The following KCNT2 variants were observed in gnomAD, a reference collection of about 807,000 sequenced individuals.
The protein encoded by KCNT2 is potassium sodium-activated channel subfamily T member 2, also known as potassium channel subfamily T member 2.
Under a neutral mutation model 153.8 loss-of-function variants are expected in KCNT2, and 67 were observed. The ratio of observed to expected loss-of-function variants is 0.44; its 90% CI spans 0.36 to 0.53. The LOEUF (loss-of-function observed/expected upper bound fraction) is 0.53, where lower values mean the gene tolerates loss of function less well. Among genes scored for constraint, KCNT2 ranks in the 20% least tolerant of loss-of-function variants. The probability of loss-of-function intolerance (pLI) is 0.00; values close to 1 mark genes in which losing one functional copy is unlikely to be tolerated. For synonymous variants in KCNT2, 500 were observed against 458.8 expected, an observed-to-expected ratio of 1.09 and a Z score of -1.15; for missense variants, 975 against 1,354.8, an observed-to-expected ratio of 0.72 and a Z score of 4.40.
At chr1:196,243,312 C>T (rs1655124595) in intron 26 of KCNT2, among the ~76,000 whole-genome samples, 2 of 152,104 alleles carry the variant, frequency 1.3e-5, no homozygotes, top group African/African-American at 2.4e-5. Flanking sequence ...ATGGAAGCTT[C>T]CATACTTTCT....
chr1:196,608,209 A>T lies in KCNT2; in HGVS notation c.95+6T>A. 1.9e-6 allele frequency: 3 copies of T among 1,612,060 alleles called. No homozygotes were observed. Among genetic ancestry groups the T allele is most frequent in the Non-Finnish European group, 2.5e-6 (3 of 1,178,894 alleles). ...TTACAGAACAATCCTCCACCACACC[A>T]CTCACCTGTCGTCGTTTTGCCATCC... is the stretch of plus-strand genomic sequence containing the variant. On this transcript the variant is annotated splice_donor_region_variant and intron_variant, in intron 1 of 27. Coordinates refer to ENST00000294725, the MANE Select transcript of KCNT2 (RefSeq NM_198503.5).
At chr1:196,363,553 A>T (rs1170463654) in intron 14 of KCNT2, among the ~76,000 whole-genome samples, 1 of 152,092 alleles carries the variant, frequency 6.6e-6, no homozygotes, top group Non-Finnish European at 1.5e-5. Flanking sequence ...ATAAGGCCTT[A>T]TTAGTTCATA....
intron 3 of KCNT2, among the ~76,000 whole-genome samples, chr1:196,486,636 T>C (rs779564330): frequency 1.4e-4 from 22 of 151,784 alleles, no homozygotes; most frequent in Non-Finnish European, 2.8e-4. Context: ...GTAATAGGGT[T>C]AACATGCAGG....
At chr1:196,542,854 T>C (rs1469408386) in intron 1 of KCNT2, among the ~76,000 whole-genome samples, 1 of 152,090 alleles carries the variant, frequency 6.6e-6, no homozygotes, top group Non-Finnish European at 1.5e-5. Context: ...TGTCAGTCTA[T>C]GTGTTATGAA....
At chr1:196,543,856 T>C (rs1656708427) in intron 1 of KCNT2, among the ~76,000 whole-genome samples, 1 of 152,134 alleles carries the variant, frequency 6.6e-6, no homozygotes, top group Non-Finnish European at 1.5e-5. Flanking sequence ...AATTAAAACA[T>C]GGAACTGCCA....
intron 1 of KCNT2, among the ~76,000 whole-genome samples, chr1:196,504,541 A>C (rs1171059564): frequency 1.3e-5 from 2 of 152,086 alleles, no homozygotes; most frequent in Non-Finnish European, 2.9e-5. Flanking sequence ...GCTGCAATAA[A>C]CATACATGTG....
chr1:196,583,287 G>T (rs1321188616), intron 1 of KCNT2, among the ~76,000 whole-genome samples: 1 of 152,076 alleles, frequency 6.6e-6, no homozygotes, highest in Non-Finnish European at 1.5e-5. Context: ...ATCCAGCCTT[G>T]GGTGGCTGGT....
chr1:196,532,960 T>G (rs1655136282), intron 1 of KCNT2, among the ~76,000 whole-genome samples: 1 of 152,058 alleles, frequency 6.6e-6, no homozygotes, highest in Non-Finnish European at 1.5e-5. Flanking sequence ...AATGTACCCC[T>G]TCTAAAGAAA....
chr1:196,290,557 T>A (rs949740510), intron 22 of KCNT2, among the ~76,000 whole-genome samples: 1 of 151,658 alleles, frequency 6.6e-6, no homozygotes, highest in Admixed American at 6.6e-5. Flanking sequence ...TGTGTGTATA[T>A]GTATAGGTGT....
intron 25 of KCNT2, among the ~76,000 whole-genome samples, chr1:196,274,638 C>A (rs1658384624): frequency 6.6e-6 from 1 of 151,706 alleles, no homozygotes; most frequent in Non-Finnish European, 1.5e-5. Context: ...GCACATGGGA[C>A]AATGTTTATT....
At chr1:196,501,307 A>G (rs1680677807) in intron 1 of KCNT2, among the ~76,000 whole-genome samples, 1 of 152,218 alleles carries the variant, frequency 6.6e-6, no homozygotes, top group Admixed American at 6.5e-5. Flanking sequence ...AATGAACTTA[A>G]GTGTATACTT....
chr1:196,308,297 T>C (rs1661832123), intron 21 of KCNT2, among the ~76,000 whole-genome samples: 1 of 151,946 alleles, frequency 6.6e-6, no homozygotes, highest in Non-Finnish European at 1.5e-5. Flanking sequence ...ATCTGTATCC[T>C]CTCCTTCCCC....
chr1:196,559,451 A>G (rs1659099600), intron 1 of KCNT2, among the ~76,000 whole-genome samples: 2 of 151,680 alleles, frequency 1.3e-5, no homozygotes, highest in African/African-American at 4.8e-5. Context: ...TATGAATGTC[A>G]TTTCAGATAC....
At chr1:196,536,067 T>C (rs1232096006) in intron 1 of KCNT2, among the ~76,000 whole-genome samples, 1 of 152,294 alleles carries the variant, frequency 6.6e-6, no homozygotes, top group African/African-American at 2.4e-5. Context: ...GCCACAGCAG[T>C]AATAAAGGGA....
intron 8 of KCNT2, among the ~76,000 whole-genome samples, chr1:196,448,692 T>G (rs1056082147): frequency 2.0e-5 from 3 of 151,734 alleles, no homozygotes; most frequent in African/African-American, 7.2e-5. Flanking sequence ...TTATATAATA[T>G]TCTTCTTTCT....
chr1:196,332,087 CT>C (rs1388709566), intron 17 of KCNT2, among the ~76,000 whole-genome samples: 1 of 152,002 alleles, frequency 6.6e-6, no homozygotes, highest in Non-Finnish European at 1.5e-5. Flanking sequence ...ACAAATTTAC[CT>C]GCTAAGCCAT....
At chr1:196,595,317 GATA>G (rs1558119012) in intron 1 of KCNT2, among the ~76,000 whole-genome samples, 1 of 152,078 alleles carries the variant, frequency 6.6e-6, no homozygotes. Context: ...TAATTATAGT[GATA>G]ATAATGGTGA....
chr1:196,231,566 T>A (rs900950346), intron 27 of KCNT2, among the ~76,000 whole-genome samples: 4 of 151,604 alleles, frequency 2.6e-5, no homozygotes, highest in African/African-American at 9.7e-5. Flanking sequence ...ACAGAGAGAA[T>A]TAGGAACTGC....
At chr1:196,427,576 T>A (rs1312865362) in intron 10 of KCNT2, among the ~76,000 whole-genome samples, 1 of 152,032 alleles carries the variant, frequency 6.6e-6, no homozygotes, top group Non-Finnish European at 1.5e-5. Flanking sequence ...ATATTCTCAA[T>A]TCAGCTAGTT....
Sources: allele counts gnomAD v4.1 joint callset (sites outside exome capture counted in the v4.1 genomes callset), GRCh38; gene constraint gnomAD v4.1.1; transcripts MANE v1.5; gene names NCBI Gene and HGNC (gene_info 2026-07-23, HGNC 2026-07-21).